The following XPR1 variants were observed in gnomAD, a reference collection of about 807,000 sequenced individuals.
The protein encoded by XPR1 is solute carrier family 53 member 1.
A neutral mutation model predicts 87.5 loss-of-function variants in XPR1; 28 were observed. The observed-to-expected ratio is 0.32, with a 90% CI of 0.24 to 0.44. XPR1 has a LOEUF of 0.44. Ranked by LOEUF, XPR1 falls within the 20% of genes least tolerant of loss-of-function variation. XPR1 has a pLI of 1.00. For synonymous variants in XPR1, 300 were observed against 306.1 expected (o/e 0.98, Z 0.21); for missense variants, 559 against 862.3 (o/e 0.65, Z 4.41).
At chr1:180,772,707 G>A (rs1571823109) in intron 2 of XPR1, among the ~76,000 whole-genome samples, 1 of 152,290 alleles carries the variant, frequency 6.6e-6, no homozygotes, top group African/African-American at 2.4e-5. Context: ...GAGTTTTTCT[G>A]CACAACCGCT....
At chr1:180,831,362 C>CTTTTTT (rs753235095) in intron 9 of XPR1, among the ~76,000 whole-genome samples, 20 of 115,476 alleles carry the variant, frequency 1.7e-4, no homozygotes, top group Non-Finnish European at 2.8e-4. Flanking sequence ...TTTTCTTTTT[C>CTTTTTT]TTTTTTTTTT....
At chr1:180,691,510 G>A (rs1433550359) in intron 2 of XPR1, among the ~76,000 whole-genome samples, 1 of 151,798 alleles carries the variant, frequency 6.6e-6, no homozygotes, top group African/African-American at 2.4e-5. Context: ...ACAGCTATCT[G>A]ACTTTCTGAA....
chr1:180,766,560 A>G (rs576676280), intron 2 of XPR1, among the ~76,000 whole-genome samples: 1 of 152,310 alleles, frequency 6.6e-6, no homozygotes, highest in Non-Finnish European at 1.5e-5. Context: ...TTGTCGTCAC[A>G]ATCATAAGTG....
chr1:180,856,435 G>A (rs1479294620), intron 11 of XPR1, among the ~76,000 whole-genome samples: 2 of 152,086 alleles, frequency 1.3e-5, no homozygotes, highest in African/African-American at 4.8e-5. Flanking sequence ...TTATTTTGAT[G>A]GTTGCAACCA....
chr1:180,659,984 A>ACCATTG (rs1164289417), intron 1 of XPR1, among the ~76,000 whole-genome samples: 1 of 152,036 alleles, frequency 6.6e-6, no homozygotes, highest in East Asian at 1.9e-4. Context: ...CAGCAGTGAA[A>ACCATTG]CCATTGGGTC....
chr1:180,840,074 T>C (rs894252751), intron 11 of XPR1, among the ~76,000 whole-genome samples: 1 of 151,348 alleles, frequency 6.6e-6, no homozygotes, highest in South Asian at 2.1e-4. Context: ...ATACAAAAAA[T>C]TAGCCGGGAG....
chr1:180,734,334 A>C (rs529171643), intron 2 of XPR1, among the ~76,000 whole-genome samples: 1 of 152,288 alleles, frequency 6.6e-6, no homozygotes, highest in Admixed American at 6.5e-5. Context: ...GACCAACTAA[A>C]ATTAGGAGTT....
chr1:180,796,803 G>C (rs1515960), intron 3 of XPR1, among the ~76,000 whole-genome samples: 151,703 of 152,348 alleles, frequency 1, 75,538 homozygotes, highest in Middle Eastern at 1. Context: ...TATATCCACA[G>C]AATGAAATAC....
intron 2 of XPR1, among the ~76,000 whole-genome samples, chr1:180,757,127 CT>C (rs1482588897): frequency 6.6e-6 from 1 of 152,120 alleles, no homozygotes; most frequent in African/African-American, 2.4e-5. Context: ...ATTATTTTGG[CT>C]CTTTTGGGTT....
At chr1:180,857,456 C>T (rs1440575734) in intron 11 of XPR1, among the ~76,000 whole-genome samples, 1 of 152,126 alleles carries the variant, frequency 6.6e-6, no homozygotes, top group Non-Finnish European at 1.5e-5. Flanking sequence ...TAATATCTGG[C>T]ATGTGCAGGT....
intron 2 of XPR1, among the ~76,000 whole-genome samples, chr1:180,714,349 T>TTCTCTCTC (rs71121047): frequency 0.014 from 973 of 72,032 alleles, 33 homozygotes; most frequent in Middle Eastern, 0.021. Context: ...TTTTTCCCTG[T>TTCTCTCTC]TCTCTCTCTC....
At chr1:180,782,612 T>C (rs1403929783) in intron 2 of XPR1, among the ~76,000 whole-genome samples, 1 of 151,762 alleles carries the variant, frequency 6.6e-6, no homozygotes, top group Non-Finnish European at 1.5e-5. Context: ...ATAGGAACAT[T>C]AGTTTTGTGG....
intron 1 of XPR1, among the ~76,000 whole-genome samples, chr1:180,671,605 GC>G (rs1310827003): frequency 6.6e-6 from 1 of 152,004 alleles, no homozygotes; most frequent in Non-Finnish European, 1.5e-5. Flanking sequence ...GCTCACTGCA[GC>G]CCCCACCTCC....
intron 1 of XPR1, among the ~76,000 whole-genome samples, chr1:180,672,254 C>CT (rs1370675119): frequency 1.1e-4 from 17 of 152,154 alleles, no homozygotes; most frequent in African/African-American, 4.1e-4. Context: ...GTAACAACTT[C>CT]TCCATATTGA....
rs1048178173 is a variant in XPR1 at position 180,886,108 on chromosome 1, A to G, written c.*2042A>G. On this transcript the variant is annotated 3_prime_UTR_variant, in exon 15 of 15. Transcript: ENST00000367590. The stretch of plus-strand genomic sequence containing the variant: ...AATTAATGCTTTTTAGTTTAAATAA[A>G]TTGAATCATTTATAATAATCAGTGT... The G allele has an allele frequency of 9.2e-5, 14 of 152,232 alleles. No homozygotes were observed. Among genetic ancestry groups the G allele is most frequent in the Non-Finnish European group, 1.8e-4 (12 of 68,036 alleles). 9.4% of individuals were successfully genotyped at this position (152,232 alleles called of 1,614,324 possible).
chr1:180,811,240 A>G (rs180834128), intron 6 of XPR1, among the ~76,000 whole-genome samples, 167 bp from the exon 7 acceptor site: 6 of 152,304 alleles, frequency 3.9e-5, no homozygotes, highest in Admixed American at 2.6e-4. Context: ...GAATAGTATT[A>G]TAGGATGATG....
At chr1:180,811,641 T>G (rs1650217134) in intron 7 of XPR1, among the ~76,000 whole-genome samples, 153 bp downstream of exon 7, 1 of 152,170 alleles carries the variant, frequency 6.6e-6, no homozygotes, top group South Asian at 2.1e-4. Context: ...TGTGGTTTTT[T>G]TTAGTTGTTT....
intron 2 of XPR1, among the ~76,000 whole-genome samples, chr1:180,682,660 A>G (rs115171937): frequency 1.3e-3 from 192 of 151,804 alleles, no homozygotes; most frequent in African/African-American, 4.4e-3. Flanking sequence ...AATCGTATAT[A>G]TTGGTTTAGT....
chr1:180,734,242 G>GA (rs1471815897), intron 2 of XPR1, among the ~76,000 whole-genome samples: 1 of 152,176 alleles, frequency 6.6e-6, no homozygotes, highest in Non-Finnish European at 1.5e-5. Context: ...GCCAACCACT[G>GA]AAAAAGGAGT....
Sources: allele counts gnomAD v4.1 joint callset (sites outside exome capture counted in the v4.1 genomes callset), GRCh38; gene constraint gnomAD v4.1.1; transcripts MANE v1.5; gene names NCBI Gene and HGNC (gene_info 2026-07-23, HGNC 2026-07-21).